LINGO2: variants seen among roughly 807,000 people sequenced by gnomAD.
The protein encoded by LINGO2 is leucine rich repeat and Ig domain containing 2.
A neutral mutation model predicts 30.6 loss-of-function variants in LINGO2; 14 were observed. That is an observed-to-expected ratio of 0.46 (90% CI 0.30 to 0.72). The LOEUF is 0.72. LINGO2 is among the 30% of genes least tolerant of loss of function. The pLI, the probability that LINGO2 is intolerant of heterozygous loss-of-function variation, is 0.07. For missense variants in LINGO2, 729 were observed against 751.7 expected, an observed-to-expected ratio of 0.97 and a Z score of 0.35; for synonymous variants, 317 against 288.5, an observed-to-expected ratio of 1.10 and a Z score of -1.00.
At chr9:28,333,494 T>G (rs1329579882) in intron 3 of LINGO2, among the ~76,000 whole-genome samples, 1 of 152,168 alleles carries the variant, frequency 6.6e-6, no homozygotes, top group Admixed American at 6.5e-5. Context: ...CAATGGTAAC[T>G]TGATGGAGCT....
the LINGO2 span, among the ~76,000 whole-genome samples, chr9:28,979,056 T>C: frequency 2.6e-5 from 4 of 152,108 alleles, no homozygotes; most frequent in Non-Finnish European, 4.4e-5. Context: ...TATTTCTCTC[T>C]TCTACCCTGC....
intron 2 of LINGO2, among the ~76,000 whole-genome samples, chr9:28,449,742 C>T (rs138847490): frequency 7.0e-4 from 107 of 152,112 alleles, no homozygotes; most frequent in African/African-American, 1.9e-3. Context: ...ATTTTCTTTG[C>T]TTCAATTACT....
the LINGO2 span, among the ~76,000 whole-genome samples, chr9:28,771,508 A>C: frequency 2.5e-5 from 2 of 80,670 alleles, no homozygotes; most frequent in Non-Finnish European, 6.2e-5. Context: ...TGTGTGTGTG[A>C]GAGAGAGAGA....
intron 4 of LINGO2, among the ~76,000 whole-genome samples, chr9:28,260,690 G>A (rs866002677): frequency 6.6e-6 from 1 of 151,798 alleles, no homozygotes; most frequent in African/African-American, 2.4e-5. Context: ...ACCTATACCT[G>A]TACATCAAAC....
At chr9:28,800,315 T>TA in the LINGO2 span, among the ~76,000 whole-genome samples, 1 of 152,092 alleles carries the variant, frequency 6.6e-6, no homozygotes, top group African/African-American at 2.4e-5. Flanking sequence ...TATTTTTTGG[T>TA]ATGGCCTACC....
At chr9:28,087,816 T>C (rs555977263) in intron 4 of LINGO2, among the ~76,000 whole-genome samples, 10 of 152,186 alleles carry the variant, frequency 6.6e-5, no homozygotes, top group African/African-American at 2.4e-4. Flanking sequence ...TTTCCAGTCC[T>C]GTAACATGAG....
the LINGO2 span, among the ~76,000 whole-genome samples, chr9:28,862,148 C>T: frequency 1.3e-5 from 2 of 152,072 alleles, 1 homozygote; most frequent in African/African-American, 4.8e-5. Flanking sequence ...AGACTCTTTT[C>T]CCACCTGTCC....
At chr9:29,072,611 T>TTATATATATA in the LINGO2 span, among the ~76,000 whole-genome samples, 50 of 140,298 alleles carry the variant, frequency 3.6e-4, no homozygotes, top group South Asian at 6.9e-4. Context: ...TGTCTCTCTT[T>TTATATATATA]GATATATATA....
At chr9:28,279,217 C>G (rs549912265) in intron 4 of LINGO2, among the ~76,000 whole-genome samples, 15 of 152,236 alleles carry the variant, frequency 9.9e-5, no homozygotes, top group African/African-American at 2.6e-4. Context: ...GGTGAACATG[C>G]TGTGAACATT....
chr9:28,625,701 T>A (rs1826630785), intron 1 of LINGO2, among the ~76,000 whole-genome samples: 1 of 152,152 alleles, frequency 6.6e-6, no homozygotes, highest in African/African-American at 2.4e-5. Flanking sequence ...ATGGTTATAC[T>A]AAAATTTGTT....
chr9:28,389,650 C>T (rs1256183129), intron 2 of LINGO2, among the ~76,000 whole-genome samples: 3 of 152,178 alleles, frequency 2.0e-5, no homozygotes, highest in African/African-American at 4.8e-5. Flanking sequence ...GCCTCATCAT[C>T]TTCCTAGAAA....
At chr9:28,482,735 G>T (rs560076255) in intron 1 of LINGO2, among the ~76,000 whole-genome samples, 1 of 152,210 alleles carries the variant, frequency 6.6e-6, no homozygotes, top group East Asian at 1.9e-4. Flanking sequence ...ACAAAAACAA[G>T]CAATGGGGAA....
At chr9:29,121,470 A>G in the LINGO2 span, among the ~76,000 whole-genome samples, 1 of 152,144 alleles carries the variant, frequency 6.6e-6, no homozygotes, top group African/African-American at 2.4e-5. Flanking sequence ...CATAGGGAAA[A>G]AATTTGAAAT....
chr9:28,996,766 A>T, the LINGO2 span, among the ~76,000 whole-genome samples: 2 of 152,230 alleles, frequency 1.3e-5, no homozygotes, highest in African/African-American at 2.4e-5. Flanking sequence ...CTGTAATTCA[A>T]TGATACCTCA....
intron 4 of LINGO2, among the ~76,000 whole-genome samples, chr9:28,161,733 T>A (rs1828293088): frequency 1.3e-5 from 2 of 152,068 alleles, no homozygotes; most frequent in Non-Finnish European, 2.9e-5. Flanking sequence ...GTATCTATGA[T>A]CCAATCAGAA....
chr9:28,871,071 C>G, the LINGO2 span, among the ~76,000 whole-genome samples: 3 of 151,668 alleles, frequency 2.0e-5, no homozygotes, highest in Non-Finnish European at 4.4e-5. Context: ...AATATATTGA[C>G]AGATGATGAT....
At chr9:28,232,643 C>T (rs755641557) in intron 4 of LINGO2, among the ~76,000 whole-genome samples, 1 of 152,084 alleles carries the variant, frequency 6.6e-6, no homozygotes, top group Non-Finnish European at 1.5e-5. Context: ...ACTCTCTTAA[C>T]AATTTTCAAG....
the LINGO2 span, among the ~76,000 whole-genome samples, chr9:28,868,417 G>A: frequency 2.0e-5 from 3 of 152,072 alleles, no homozygotes; most frequent in Admixed American, 2.0e-4. Flanking sequence ...ATGTGTGTGT[G>A]TCTGCATGCA....
the LINGO2 span, among the ~76,000 whole-genome samples, chr9:29,063,165 C>CGGA: frequency 0.4 from 60,739 of 151,680 alleles, 12,301 homozygotes; most frequent in East Asian, 0.54. Flanking sequence ...ACATTTAGTC[C>CGGA]TCTGGGAATT....
Sources: gnomAD v4.1 joint callset for allele counts (sites outside exome capture counted in the v4.1 genomes callset) on GRCh38, gnomAD v4.1.1 for gene constraint, MANE v1.5 for transcripts, NCBI Gene and HGNC (gene_info 2026-07-23, HGNC 2026-07-21) for gene names.